KDM5C: variants seen among roughly 807,000 people sequenced by gnomAD.
The protein encoded by KDM5C is lysine-specific demethylase 5C.
In KDM5C, 16 loss-of-function variants were observed where a neutral mutation model predicts 110.6. The ratio of observed to expected loss-of-function variants is 0.14; its 90% CI spans 0.10 to 0.22. KDM5C has a LOEUF of 0.22. Ranked by LOEUF, KDM5C falls within the 10% of genes least tolerant of loss-of-function variation. The pLI is 1.00. For missense variants in KDM5C, 681 were observed against 1,300.9 expected (o/e 0.52, Z 7.33); for synonymous variants, 511 against 520.4 (o/e 0.98, Z 0.24).
At chrX:53,213,138 T>C (rs2073625707) in intron 8 of KDM5C, among the ~76,000 whole-genome samples, 1 of 112,596 alleles carries the variant, frequency 8.9e-6, no homozygotes, top group African/African-American at 3.2e-5. Flanking sequence ...CTATGTTCAT[T>C]ATTTTAGATG....
intron 12 of KDM5C, 64 bp downstream of exon 12, chrX:53,210,350 C>T (rs900588793): frequency 8.5e-7 from 1 of 1,178,442 alleles, no homozygotes; most frequent in Non-Finnish European, 1.2e-6. Context: ...ACCGCCACCA[C>T]CACCATCACA....
At chrX:53,181,505 G>A (rs1360019091) in intron 25 of KDM5C, among the ~76,000 whole-genome samples, 18 of 109,480 alleles carry the variant, frequency 1.6e-4, no homozygotes, top group Non-Finnish European at 1.9e-5. Context: ...AGATCCACCC[G>A]TATCATCTCT....
chrX:53,194,894 C>T (rs978270295), intron 22 of KDM5C, 37 bp downstream of exon 22: 2 of 1,206,680 alleles, frequency 1.7e-6, no homozygotes, highest in Non-Finnish European at 2.2e-6. Context: ...TCTATCATCA[C>T]CAAGCCCTTC....
In KDM5C at chrX:53,192,873, G is replaced by GCCCCCCCCCCCC; in HGVS notation, c.*93_*94insGGGGGGGGGGGG. On this transcript the variant is annotated 3_prime_UTR_variant, in exon 26 of 26. Transcript: ENST00000375401. ...AGCAGGGATGGCCACCCCCCTACCC[G>GCCCCCCCCCCCC]CCCACCCCCCAAGAAGCAGGCTTGA... 2 of 230,669 alleles carry GCCCCCCCCCCCC rather than the reference G, an allele frequency of 8.7e-6. No individual in the cohort carries two copies. Among genetic ancestry groups the GCCCCCCCCCCCC allele is most frequent in the Non-Finnish European group, 1.3e-5 (2 of 159,368 alleles). 19.0% of individuals were successfully genotyped at this position (230,669 alleles called of 1,213,427 possible). A position where few individuals can be genotyped will look rare whatever the true frequency, so the allele number is the denominator to read the frequency against.
In KDM5C at chrX:53,218,153, G is replaced by A. The variant is rs2073799735; in HGVS notation, c.351+123C>T. 3 of 936,127 alleles carry A rather than the reference G, an allele frequency of 3.2e-6. No individual in the cohort carries two copies. The Admixed American group carries it at 7.3e-5, about 23-fold the overall frequency. 77.1% of individuals were successfully genotyped at this position (936,127 alleles called of 1,213,427 possible). ...AAGATGTTCTGATGACAGCTTGTGT[G>A]CTACCAAGCTGTGCCCCTTCCATTG... On this transcript the variant is annotated intron_variant, in intron 3 of 25. Transcript: ENST00000375401.
intron 8 of KDM5C, among the ~76,000 whole-genome samples, chrX:53,213,432 G>A (rs781871809): frequency 2.7e-5 from 3 of 112,156 alleles, no homozygotes; most frequent in African/African-American, 6.5e-5. Context: ...AAGATAAGGC[G>A]AATGTCTGCT....
chrX:53,219,276 A>G (rs1480216728), intron 2 of KDM5C, among the ~76,000 whole-genome samples: 1 of 112,751 alleles, frequency 8.9e-6, no homozygotes, highest in Non-Finnish European at 1.9e-5. Context: ...TCAGAATTAT[A>G]TCTAAGCTCT....
At chrX:53,191,252 C>T (rs1045351528), downstream of KDM5C, 13 of 168,748 alleles carry the variant, frequency 7.7e-5, no homozygotes, top group Non-Finnish European at 1.5e-4. Flanking sequence ...AGAGATCTTT[C>T]CAACTACTAT....
At chrX:53,212,034 C>G (rs782518231) in intron 8 of KDM5C, 128 bp from the exon 9 acceptor site, 1 of 804,467 alleles carries the variant, frequency 1.2e-6, no homozygotes, top group Non-Finnish European at 1.8e-6. Context: ...GCCCCTGAGG[C>G]AGGCCTTACT....
chrX:53,208,021 T>C (rs2073408341), intron 12 of KDM5C, among the ~76,000 whole-genome samples: 1 of 100,062 alleles, frequency 1.0e-5, no homozygotes, highest in Non-Finnish European at 2.0e-5. Context: ...ATTACATATC[T>C]ATAAAAAGAA....
Position 53,211,347 on chromosome X carries a change from C to G in KDM5C, c.1401+150G>C, listed in dbSNP as rs1424325411. 4 of 609,299 alleles carry G rather than the reference C, an allele frequency of 6.6e-6. No individual in the cohort carries two copies. The African/African-American group carries it at 8.9e-5, about 14-fold the overall frequency. The allele number at this position is 609,299 out of a possible 1,213,427, so 50.2% of individuals were successfully genotyped here. ...TCTCATGTTTGTACATGCCAGGTACCAGACTGTTTTCTTTCATCTCATCTA... is the reference window on the plus strand; with the variant it reads ...TCTCATGTTTGTACATGCCAGGTACGAGACTGTTTTCTTTCATCTCATCTA... On this transcript the variant is annotated intron_variant, in intron 10 of 25. Transcript: ENST00000375401.
intron 25 of KDM5C, among the ~76,000 whole-genome samples, chrX:53,183,212 G>C (rs1556826864): frequency 1.0e-5 from 1 of 100,238 alleles, no homozygotes; most frequent in Non-Finnish European, 2.0e-5. Flanking sequence ...GACTGCTCGA[G>C]CCCAGGAGTT....
chrX:53,202,354 C>T (rs892605827), intron 12 of KDM5C: 2 of 185,291 alleles, frequency 1.1e-5, no homozygotes, highest in Admixed American at 7.3e-5. Flanking sequence ...TAAAATCAGC[C>T]AGCCTTGCCA....
At position 53,192,860 on chromosome X, in the gene KDM5C, C is replaced by CCCCCCCCCCCCCCCCCCCCCCCCCCCCCA; in HGVS notation, c.*106_*107insTGGGGGGGGGGGGGGGGGGGGGGGGGGGG. The CCCCCCCCCCCCCCCCCCCCCCCCCCCCCA allele has an allele frequency of 1.5e-6, 1 of 675,402 alleles. No individual in the cohort carries two copies. The highest frequency in any genetic ancestry group is 5.0e-5 in the East Asian group (1 of 20,113). 55.7% of individuals were successfully genotyped at this position (675,402 alleles called of 1,213,427 possible). A position where few individuals can be genotyped will look rare whatever the true frequency, so the allele number is the denominator to read the frequency against. On this transcript the variant is annotated 3_prime_UTR_variant, in exon 26 of 26. Transcript: ENST00000375401. ...GGGGTGGGCGGGTAGCAGGGATGGC[C>CCCCCCCCCCCCCCCCCCCCCCCCCCCCCA]ACCCCCCTACCCGCCCACCCCCCAA...
intron 25 of KDM5C, among the ~76,000 whole-genome samples, chrX:53,177,841 G>A (rs1183882010): frequency 9.0e-6 from 1 of 111,545 alleles, no homozygotes; most frequent in African/African-American, 3.3e-5. Context: ...CTTTGCTTTG[G>A]CTCAGATCAA....
Position 53,224,773 on chromosome X carries a change from C to A in KDM5C, c.117G>T (p.Glu39Asp). ...GYIAKIRPIAEKSGICKIRPP... is the reference protein window; with the variant it reads ...GYIAKIRPIADKSGICKIRPP... ...GGCGGATCTTGCAAATGCCCGATTT[C>A]TCTGCGATGGGCCTGATTTTCGCGA... Residue 39 changes from glutamate (E) to aspartate (D), a missense_variant, in exon 1 of 26, where the codon GAG (glutamate) becomes GAT (aspartate). Physicochemically the swap from Glu to Asp is conservative, Grantham distance 45. Around this residue, in one of 14 missense-constraint regions of KDM5C, gnomAD observed 15 missense variants for 37.0 expected, o/e 0.41. Transcript: ENST00000375401. 8.3e-7 allele frequency: 1 copy of A among 1,212,086 alleles called. No homozygotes were observed. Among genetic ancestry groups the A allele is most frequent in the Non-Finnish European group, 1.1e-6 (1 of 895,514 alleles).
Position 53,195,236 on chromosome X carries a change from G to A in KDM5C, c.3295C>T (p.Leu1099=), listed in dbSNP as rs143471137. 97 of 1,199,818 alleles carry A rather than the reference G, an allele frequency of 8.1e-5. No individual in the cohort carries two copies. The highest frequency in any genetic ancestry group is 1.1e-4 in the Non-Finnish European group (94 of 889,497). The change falls in exon 21 of 26, where the codon CTG becomes TTG. Residue 1099 remains leucine (L), a synonymous_variant. Transcript: ENST00000375401. ...GTCAAGGTCCCAGGCCTCACCTCCA[G>A]CAGCGTGTAGCAAGAATTTTTCTTG... The part of the protein sequence containing the change: ...FLKKNSCYTL[L]EVLCPCADAG...
At position 53,225,012 on chromosome X, in the gene KDM5C, G is replaced by T; in HGVS notation, c.-123C>A. ...CTAGGCCCTAAGCGGGGCAGCCGCC[G>T]CCCGCCGAGGGCCTAAGGGGGCGTG... On this transcript the variant is annotated 5_prime_UTR_variant, in exon 1 of 26. Transcript: ENST00000375401. 1.1e-6 allele frequency: 1 copy of T among 871,899 alleles called. No individual in the cohort carries two copies. The highest frequency in any genetic ancestry group is 2.7e-5 in the South Asian group (1 of 37,643). The allele number at this position is 871,899 out of a possible 1,213,427, so 71.9% of individuals were successfully genotyped here. A position where few individuals can be genotyped will look rare whatever the true frequency, so the allele number is the denominator to read the frequency against.
At chrX:53,223,520 C>T (rs1556855620) in intron 1 of KDM5C, among the ~76,000 whole-genome samples, 1 of 111,667 alleles carries the variant, frequency 9.0e-6, no homozygotes. Context: ...AATGAAGCTT[C>T]CTATTCCATT....
Sources: allele counts gnomAD v4.1 joint callset (sites outside exome capture counted in the v4.1 genomes callset), GRCh38; gene constraint gnomAD v4.1.1; regional missense constraint gnomAD v4.1.1; transcripts MANE v1.5; gene names NCBI Gene and HGNC (gene_info 2026-07-23, HGNC 2026-07-21).